The following MUC4 variants were observed in gnomAD, a reference collection of about 807,000 sequenced individuals.
The protein encoded by MUC4 is mucin-4.
Under a neutral mutation model 257.9 loss-of-function variants are expected in MUC4, and 202 were observed. The observed-to-expected ratio is 0.78, with a 90% CI of 0.70 to 0.88. MUC4 has a LOEUF of 0.88. Among genes scored for constraint, MUC4 ranks in the 40% least tolerant of loss-of-function variants. The pLI is 0.00. For synonymous variants in MUC4, 2,351 were observed against 2,757.1 expected, an observed-to-expected ratio of 0.85 and a Z score of 4.62; for missense variants, 5,976 against 6,513.7, an observed-to-expected ratio of 0.92 and a Z score of 2.84.
At position 195,789,612 on chromosome 3, in the gene MUC4, G is replaced by A. The variant is rs1733599100; in HGVS notation, c.1968C>T (p.Ser656=). The change falls in exon 2 of 25, where the codon TCC becomes TCT. Residue 656 remains serine (S), a synonymous_variant. Coordinates refer to ENST00000463781, the MANE Select transcript of MUC4 (RefSeq NM_018406.7). ...TQESQTTRSV[S]PMTDTKTVTT... Reference sequence around the variant, plus strand: ...TGACTGTCTTGGTGTCAGTCATGGGGGAGACGGACCTCGTGGTTTGTGATT... The same window carrying A: ...TGACTGTCTTGGTGTCAGTCATGGGAGAGACGGACCTCGTGGTTTGTGATT... The A allele has an allele frequency of 6.2e-7, 1 of 1,613,882 alleles. No individual in the cohort carries two copies. The highest frequency in any genetic ancestry group is 1.3e-5 in the African/African-American group (1 of 74,910).
At chr3:195,801,517 T>C (rs567496282) in intron 1 of MUC4, among the ~76,000 whole-genome samples, 1 of 151,920 alleles carries the variant, frequency 6.6e-6, no homozygotes, top group East Asian at 1.9e-4. Flanking sequence ...CCTTTCTCCT[T>C]CTCTCCTGCC....
In MUC4 at chr3:195,770,512, C is replaced by T. The variant is rs182294573; in HGVS notation, c.13243-141G>A. 1,007 of 942,942 alleles carry T rather than the reference C, an allele frequency of 1.1e-3. 6 individuals are homozygous for T. Among genetic ancestry groups the T allele is most frequent in the Non-Finnish European group, 5.8e-4 (365 of 626,412 alleles). 58.4% of individuals were successfully genotyped at this position (942,942 alleles called of 1,614,324 possible). A position where few individuals can be genotyped will look rare whatever the true frequency, so the allele number is the denominator to read the frequency against. ...CCCTGTCCCAGGCCTGCATTTTTGC[C>T]GTGAGCTTTTCTGAGGTGAAGTTCA... On this transcript the variant is annotated intron_variant, in intron 5 of 24. Transcript: ENST00000463781.
Position 195,749,022 on chromosome 3 carries a change from T to C in MUC4, c.15914A>G (p.Tyr5305Cys), listed in dbSNP as rs770220803. 6.2e-7 allele frequency: 1 copy of C among 1,609,386 alleles called. No homozygotes were observed. Among genetic ancestry groups the C allele is most frequent in the South Asian group, 1.1e-5 (1 of 89,996 alleles). The change falls in exon 24 of 25, where the codon TAC becomes TGC. Residue 5305 changes from tyrosine to cysteine, a missense_variant. By Grantham distance (194) the Tyr-to-Cys change is radical. Transcript: ENST00000463781. The part of the protein sequence containing the change: ...TLKAYFRCDG[Y>C]KGYDLVYSPQ... Reference sequence around the variant, plus strand: ...GCTGTAGACCAGGTCGTAGCCCTTGTAGCCATCGCATCTGAAGTAAGCCTT... The same window carrying C: ...GCTGTAGACCAGGTCGTAGCCCTTGCAGCCATCGCATCTGAAGTAAGCCTT...
In MUC4 at chr3:195,782,558, A is replaced by C. The variant is rs28542401; in HGVS notation, c.9022T>G (p.Ser3008Ala). The change falls in exon 2 of 25, where the codon TCT becomes GCT. Residue 3008 changes from serine (S) to alanine (A), a missense_variant. This residue lies in a region of MUC4 where 68 missense variants were observed against 50.2 expected (regional missense o/e 1.35). Transcript: ENST00000463781. ...TSSASIGHAT[S>A]LPVTDTSSIS... The stretch of plus-strand genomic sequence containing the variant: ...GAGGAAGTGTCGGTGACAGGAAGAG[A>C]GGTGGCGTGACCTATGGATGCTGAG... 1 of 1,071,824 alleles carries C rather than the reference A, an allele frequency of 9.3e-7. No individual in the cohort carries two copies. Among genetic ancestry groups the C allele is most frequent in the Non-Finnish European group, 1.1e-6 (1 of 870,474 alleles). 66.4% of individuals were successfully genotyped at this position (1,071,824 alleles called of 1,614,324 possible).
In MUC4 at chr3:195,778,063, C is replaced by T. The variant is rs957325241; in HGVS notation, c.12943+240G>A. 2.0e-5 allele frequency among the ~76,000 whole-genome samples: 3 copies of T among 152,354 alleles called. No homozygotes were observed. The East Asian group carries it at 5.8e-4, about 29-fold the overall frequency. On this transcript the variant is annotated intron_variant, in intron 3 of 24. Coordinates refer to ENST00000463781, the MANE Select transcript of MUC4 (RefSeq NM_018406.7). The stretch of plus-strand genomic sequence containing the variant: ...GACCCTGGGATGAGTCCTCTAACCG[C>T]CGCTACCGGACCGTCCATCTATCCC...
At chr3:195,761,625 G>A (rs1393004761) in intron 14 of MUC4, 40 bp from the exon 15 acceptor site, 4 of 1,494,130 alleles carry the variant, frequency 2.7e-6, no homozygotes, top group East Asian at 2.3e-5. Context: ...CTGGGCACGC[G>A]GCTGTCCCCT....
intron 1 of MUC4, among the ~76,000 whole-genome samples, chr3:195,794,303 CTT>C (rs1246484691): frequency 6.6e-6 from 1 of 151,310 alleles, no homozygotes; most frequent in Non-Finnish European, 1.5e-5. Context: ...GAAACTGACT[CTT>C]TTGGGTTTTC....
intron 1 of MUC4, among the ~76,000 whole-genome samples, chr3:195,795,276 A>G (rs1262376469): frequency 6.6e-6 from 1 of 152,208 alleles, no homozygotes; most frequent in Non-Finnish European, 1.5e-5. Context: ...TTGGCAATTA[A>G]CATCTTTTCA....
Position 195,796,335 on chromosome 3 carries a change from G to C in MUC4, c.83-4838C>G, listed in dbSNP as rs973547694. 5.3e-5 allele frequency among the ~76,000 whole-genome samples: 8 copies of C among 151,874 alleles called. No homozygotes were observed. In the East Asian group the frequency reaches 1.5e-3, roughly 29 times the overall value. ...TGACCTCAGGTGATCTACCCACCTC[G>C]GCATCCCAAAGTGCTGGGATTACAG... On this transcript the variant is annotated intron_variant, in intron 1 of 24. Coordinates refer to ENST00000463781, the MANE Select transcript of MUC4 (RefSeq NM_018406.7).
intron 7 of MUC4, among the ~76,000 whole-genome samples, chr3:195,767,642 T>C (rs1243029012): frequency 2.9e-4 from 9 of 31,378 alleles, no homozygotes; most frequent in South Asian, 1.2e-3. Context: ...ACCACCACCA[T>C]CGCCACCACC....
intron 8 of MUC4, among the ~76,000 whole-genome samples, chr3:195,766,376 C>T (rs1408086861): frequency 6.6e-6 from 1 of 152,112 alleles, no homozygotes; most frequent in Non-Finnish European, 1.5e-5. Context: ...CCTGTCCTCA[C>T]TTCCAGGATC....
rs372862585 is a variant in MUC4 at position 195,788,989 on chromosome 3, G to A, written c.2591C>T (p.Ala864Val). The A allele has an allele frequency of 3.0e-5, 48 of 1,613,806 alleles. No individual in the cohort carries two copies. Among genetic ancestry groups the A allele is most frequent in the Admixed American group, 5.0e-5 (3 of 59,984 alleles). ...HGAIPVSTGM[A>V]SSIVPGTFHP... ...AAAGGTGCCGGGGACGATCGAAGAC[G>A]CCATTCCTGTGCTTACTGGGATGGC... Residue 864 changes from alanine (A) to valine (V), a missense_variant, in exon 2 of 25, where the codon GCG (alanine) becomes GTG (valine). Ala to Val is a moderately conservative substitution (Grantham distance 64). Transcript: ENST00000463781.
chr3:195,758,982 C>A (rs1718238635), intron 17 of MUC4, 142 bp downstream of exon 17: 2 of 1,204,520 alleles, frequency 1.7e-6, no homozygotes, highest in Non-Finnish European at 2.3e-6. Flanking sequence ...TATCGCTCCT[C>A]GGAAATGCCG....
intron 16 of MUC4, among the ~76,000 whole-genome samples, chr3:195,760,386 G>A (rs1212932667): frequency 1.3e-5 from 2 of 152,208 alleles, no homozygotes; most frequent in African/African-American, 4.8e-5. Context: ...AACAGCACGT[G>A]TGAAGCCTGG....
rs976647349 is a variant in MUC4, at chr3:195,761,670, G to A, written c.14513-85C>T. On this transcript the variant is annotated intron_variant, in intron 14 of 24. Transcript: ENST00000463781. ...GCATCCGGCGGACGCAGTGGGGAGA[G>A]GCCAGGGCCTGGCAGCCTCTGCTCT... The A allele has an allele frequency of 3.7e-6, 4 of 1,076,648 alleles. No homozygotes were observed. The Admixed American group carries it at 5.5e-5, about 15-fold the overall frequency. The allele number at this position is 1,076,648 out of a possible 1,614,324, so 66.7% of individuals were successfully genotyped here.
rs1361361897 is a variant in MUC4 at position 195,762,869 on chromosome 3, T to C, written c.14330A>G (p.His4777Arg). 1 of 1,566,268 alleles carries C rather than the reference T, an allele frequency of 6.4e-7. No individual in the cohort carries two copies. Among genetic ancestry groups the C allele is most frequent in the South Asian group, 1.2e-5 (1 of 85,026 alleles). ...DNQTVTFQPD[H>R]EDGGGQETFN... ...CCCCAACCTACCTCCGCCGTCTTCA[T>C]GGTCAGGCTGAAATGTCACAGTCTG... is the stretch of plus-strand genomic sequence containing the variant. Residue 4777 changes from histidine (H) to arginine (R), a missense_variant, in exon 13 of 25, where the codon CAT becomes CGT. His to Arg is a conservative substitution (Grantham distance 29). Transcript: ENST00000463781.
At chr3:195,766,253 G>A (rs1233428431) in intron 8 of MUC4, among the ~76,000 whole-genome samples, 4 of 152,190 alleles carry the variant, frequency 2.6e-5, no homozygotes, top group South Asian at 2.1e-4. Context: ...GAGCCATGGC[G>A]CCCAGCCGGT....
At chr3:195,778,554 A>C in intron 2 of MUC4, 99 bp from the exon 3 acceptor site, 1 of 1,494,816 alleles carries the variant, frequency 6.7e-7, no homozygotes. Context: ...AGGGAGCTGG[A>C]AACTCCTTGT....
At chr3:195,747,507 G>A in intron 24 of MUC4, 127 bp from the exon 25 acceptor site, 4 of 1,144,456 alleles carry the variant, frequency 3.5e-6, no homozygotes, top group Non-Finnish European at 3.7e-6. Context: ...CGGAGAGACT[G>A]AGTCAGCCCT....
Sources: gnomAD v4.1 joint callset for allele counts (sites outside exome capture counted in the v4.1 genomes callset) on GRCh38, gnomAD v4.1.1 for gene constraint, gnomAD v4.1.1 regional missense constraint, MANE v1.5 for transcripts, NCBI Gene and HGNC (gene_info 2026-07-23, HGNC 2026-07-21) for gene names.